INPP5D: variants seen among roughly 807,000 people sequenced by gnomAD.
The protein encoded by INPP5D is inositol polyphosphate-5-phosphatase D, also known as phosphatidylinositol 3,4,5-trisphosphate 5-phosphatase 1.
INPP5D carries 33 observed loss-of-function variants against 122.9 expected under a neutral mutation model. The ratio of observed to expected loss-of-function variants is 0.27; its 90% confidence interval spans 0.20 to 0.36. The LOEUF is 0.36. INPP5D is among the 10% of genes least tolerant of loss of function. INPP5D has a pLI of 1.00. For missense variants in INPP5D, 1,053 were observed against 1,412.7 expected, an observed-to-expected ratio of 0.75 and a Z score of 4.08; for synonymous variants, 584 against 576.2, an observed-to-expected ratio of 1.01 and a Z score of -0.19.
chr2:233,090,913 G>A (rs535536035), intron 2 of INPP5D, among the ~76,000 whole-genome samples: 21 of 151,236 alleles, frequency 1.4e-4, no homozygotes, highest in Admixed American at 3.3e-4. Flanking sequence ...AGCTGAGATC[G>A]CGCCACAACA....
chr2:233,198,460 C>G (rs934420223), intron 25 of INPP5D, 84 bp downstream of exon 25: 1 of 1,492,578 alleles, frequency 6.7e-7, no homozygotes, highest in Non-Finnish European at 8.9e-7. Context: ...GAATGGAAGC[C>G]TCATAAGGGC....
intron 25 of INPP5D, among the ~76,000 whole-genome samples, chr2:233,203,289 C>T (rs1340747465): frequency 6.6e-6 from 1 of 152,080 alleles, no homozygotes; most frequent in Non-Finnish European, 1.5e-5. Flanking sequence ...ATGGGAGGAA[C>T]CGGGAAAGGA....
intron 2 of INPP5D, among the ~76,000 whole-genome samples, chr2:233,118,774 G>A (rs1042630838): frequency 6.6e-6 from 1 of 152,234 alleles, no homozygotes; most frequent in Admixed American, 6.5e-5. Flanking sequence ...GGGAGAGGTG[G>A]AGGAAGGCTC....
chr2:233,100,408 C>T lies in INPP5D; in HGVS notation c.198+21010C>T, dbSNP rs1692276164. On this transcript the variant is annotated intron_variant, in intron 2 of 26. Transcript: ENST00000445964. The surrounding 1 kb of genome is among the most constrained non-coding windows in gnomAD (Gnocchi z 5.3). ...GCCCAGCACCTGCTTTGCCTCTCCT[C>T]ACAGATCATGCTGTTAGTAATCTCA... Among the ~76,000 whole-genome samples the T allele has an allele frequency of 6.6e-6, 1 of 152,214 alleles. No homozygotes were observed. Among genetic ancestry groups the T allele is most frequent in the Non-Finnish European group, 1.5e-5 (1 of 68,040 alleles).
intron 22 of INPP5D, among the ~76,000 whole-genome samples, chr2:233,191,831 C>G (rs1695066225): frequency 6.6e-6 from 1 of 152,146 alleles, no homozygotes. Flanking sequence ...AATGGAAAAC[C>G]TTTGAATACT....
At position 233,087,700 on chromosome 2, in the gene INPP5D, G is replaced by A. The variant is rs180884762; in HGVS notation, c.198+8302G>A. On this transcript the variant is annotated intron_variant, in intron 2 of 26. Coordinates refer to ENST00000445964, the MANE Select transcript of INPP5D (RefSeq NM_001017915.3). ...ACTAGAACTATTCCTAGCATGTAGT[G>A]AGTGCTTGATAAATACTTATTGAAT... Among the ~76,000 whole-genome samples the A allele has an allele frequency of 1.8e-3, 274 of 152,312 alleles. 1 individual carries two copies. Among genetic ancestry groups the A allele is most frequent in the Non-Finnish European group, 2.2e-3 (149 of 68,028 alleles).
At chr2:233,125,388 A>AG (rs1473459155) in intron 3 of INPP5D, among the ~76,000 whole-genome samples, 9 of 152,186 alleles carry the variant, frequency 5.9e-5, no homozygotes, top group Non-Finnish European at 1.2e-4. Context: ...AGCCATCATG[A>AG]GACAGGTGTC....
At chr2:233,149,711 A>G (rs1039766086) in intron 9 of INPP5D, among the ~76,000 whole-genome samples, 1 of 152,192 alleles carries the variant, frequency 6.6e-6, no homozygotes, top group Non-Finnish European at 1.5e-5. Flanking sequence ...CAAGTAGCCC[A>G]GTCTTGAGTC....
At chr2:233,176,724 T>G in intron 17 of INPP5D, among the ~76,000 whole-genome samples, 1 of 138,404 alleles carries the variant, frequency 7.2e-6, no homozygotes, top group Non-Finnish European at 1.6e-5. Flanking sequence ...GGACAGGTAG[T>G]TGGATGGATG....
intron 1 of INPP5D, among the ~76,000 whole-genome samples, chr2:233,071,182 G>T (rs1459485406): frequency 6.6e-6 from 1 of 152,100 alleles, no homozygotes; most frequent in African/African-American, 2.4e-5. Flanking sequence ...CCAGCTACCT[G>T]GGAGGCTGAG....
chr2:233,205,392 C>G (rs1381274616), intron 26 of INPP5D: 10 of 151,016 alleles, frequency 6.6e-5, no homozygotes, highest in Admixed American at 5.9e-4. Flanking sequence ...CGGAGTTTCA[C>G]TCTTTGTTGC....
chr2:233,085,746 C>CCT (rs1483938444), intron 2 of INPP5D, among the ~76,000 whole-genome samples: 1 of 152,154 alleles, frequency 6.6e-6, no homozygotes, highest in Non-Finnish European at 1.5e-5. Flanking sequence ...GCAGCCCCTC[C>CCT]CTCTTGTGTG....
intron 13 of INPP5D, among the ~76,000 whole-genome samples, chr2:233,167,806 AC>A (rs1271731057): frequency 6.6e-6 from 1 of 152,094 alleles, no homozygotes; most frequent in Non-Finnish European, 1.5e-5. Flanking sequence ...GTAGTTTGAG[AC>A]CAACCTGGGC....
At chr2:233,157,891 G>A in intron 9 of INPP5D, among the ~76,000 whole-genome samples, 1 of 25,526 alleles carries the variant, frequency 3.9e-5, no homozygotes, top group Non-Finnish European at 6.0e-5. Flanking sequence ...AGAACAACTT[G>A]ACTCTTTTAA....
At position 233,164,242 on chromosome 2, in the gene INPP5D, A is replaced by T; in HGVS notation, c.1438-65A>T. 1 of 1,492,754 alleles carries T rather than the reference A, an allele frequency of 6.7e-7. No individual in the cohort carries two copies. The highest frequency in any genetic ancestry group is 9.0e-7 in the Non-Finnish European group (1 of 1,115,316). 92.5% of individuals were successfully genotyped at this position (1,492,754 alleles called of 1,614,324 possible). On this transcript the variant is annotated intron_variant, in intron 12 of 26. Coordinates refer to ENST00000445964, the MANE Select transcript of INPP5D (RefSeq NM_001017915.3). This position sits in a 1 kb window ranked among gnomAD's most constrained non-coding sequence, Gnocchi z 4.3. ...GGGGCTGCGGCTGGGGCTGGGTGTGAATCACTGTGCCCTGGTTCACACCCT... is the reference window on the plus strand; with the variant it reads ...GGGGCTGCGGCTGGGGCTGGGTGTGTATCACTGTGCCCTGGTTCACACCCT...
At chr2:233,130,176 T>C (rs1198132621) in intron 4 of INPP5D, among the ~76,000 whole-genome samples, 2 of 152,234 alleles carry the variant, frequency 1.3e-5, no homozygotes, top group Non-Finnish European at 2.9e-5. Flanking sequence ...ATTACAGTTG[T>C]GAGCCACCAT....
chr2:233,067,778 G>A (rs1190897252), intron 1 of INPP5D, among the ~76,000 whole-genome samples: 1 of 152,136 alleles, frequency 6.6e-6, no homozygotes, highest in Non-Finnish European at 1.5e-5. Flanking sequence ...TTCTCTAATG[G>A]CTAATGATGC....
chr2:233,090,432 G>T (rs1195666288), intron 2 of INPP5D, among the ~76,000 whole-genome samples: 1 of 152,098 alleles, frequency 6.6e-6, no homozygotes, highest in African/African-American at 2.4e-5. Context: ...TGGCCATCAG[G>T]ATGCCCAACC....
In INPP5D at chr2:233,170,273, G is replaced by T. The variant is rs926637700; in HGVS notation, c.1791+109G>T. 2.6e-6 allele frequency: 4 copies of T among 1,522,522 alleles called. No individual in the cohort carries two copies. The African/African-American group carries it at 5.5e-5, about 21-fold the overall frequency. 94.3% of individuals were successfully genotyped at this position (1,522,522 alleles called of 1,614,324 possible). On this transcript the variant is annotated intron_variant, in intron 15 of 26. Transcript: ENST00000445964. The surrounding 1 kb of genome is among the most constrained non-coding windows in gnomAD (Gnocchi z 4.5). ...AGACATGTGAATCAAGTGGGCTGAG[G>T]CGGCTGCTCCCCTTGGGGGCTCAAC...
Sources: allele counts gnomAD v4.1 joint callset (sites outside exome capture counted in the v4.1 genomes callset), GRCh38; gene constraint gnomAD v4.1.1; non-coding constraint Gnocchi (gnomAD v3.1); transcripts MANE v1.5; gene names NCBI Gene and HGNC (gene_info 2026-07-23, HGNC 2026-07-21).